ACYP2: variants seen among roughly 807,000 people sequenced by gnomAD.
The protein encoded by ACYP2 is acylphosphatase-2.
ACYP2 carries 12 observed loss-of-function variants against 11.2 expected under a neutral mutation model. The ratio of observed to expected loss-of-function variants is 1.08; its 90% CI spans 0.69 to 1.74. ACYP2 has a LOEUF of 1.74. Ranked by LOEUF, ACYP2 falls within the 40% of genes most tolerant of loss-of-function variation. The pLI, the probability that ACYP2 is intolerant of heterozygous loss-of-function variation, is 0.00. For missense variants in ACYP2, 134 were observed against 101.9 expected (o/e 1.31, Z -1.35); for synonymous variants, 43 against 32.2 (o/e 1.33, Z -1.13).
At chr2:54,191,634 T>C (rs2103887920) in intron 6 of ACYP2, among the ~76,000 whole-genome samples, 1 of 152,178 alleles carries the variant, frequency 6.6e-6, no homozygotes, top group African/African-American at 2.4e-5. Context: ...TGAGAAGCAG[T>C]TGGAATAGTC....
At chr2:53,992,155 CCTTCCTTCCTACTTTTTTT>C (rs1672332390) in intron 2 of ACYP2, among the ~76,000 whole-genome samples, 2 of 146,894 alleles carry the variant, frequency 1.4e-5, no homozygotes, top group Admixed American at 1.4e-4. Flanking sequence ...TTCTTTCTTT[CCTTCCTTCCTACTTTTTTT>C]CTTCCTTCCT....
Position 54,189,931 on chromosome 2 carries a change from G to A in ACYP2, c.404+51183G>A, listed in dbSNP as rs114950264. ...TGAGATGGTATCTCACAGCAGCTTT[G>A]ACTTGTGTTTCCCCAATGATTAGTG... On this transcript the variant is annotated intron_variant, in intron 6 of 6. Coordinates refer to ENST00000607452, the MANE Select transcript of ACYP2 (RefSeq NM_001320586.2). 3.9e-3 allele frequency among the ~76,000 whole-genome samples: 596 copies of A among 152,214 alleles called. 1 individual carries two copies. The highest frequency in any genetic ancestry group is 6.9e-3 in the Non-Finnish European group (471 of 68,008).
Position 54,106,533 on chromosome 2 carries a change from G to A in ACYP2, c.278-28920G>A, listed in dbSNP as rs574984362. On this transcript the variant is annotated intron_variant, in intron 4 of 6. Coordinates refer to ENST00000607452, the MANE Select transcript of ACYP2 (RefSeq NM_001320586.2). ...GCTAATTTTAAAGGATATAGTAGAT[G>A]CATATGCTGTCAACATAATGTCTCA... Among the ~76,000 whole-genome samples, 11 of 151,960 alleles carry A rather than the reference G, an allele frequency of 7.2e-5. No homozygotes were observed. The South Asian group carries it at 2.3e-3, about 32-fold the overall frequency.
At chr2:53,988,772 G>C (rs995523929) in intron 2 of ACYP2, among the ~76,000 whole-genome samples, 1 of 151,234 alleles carries the variant, frequency 6.6e-6, no homozygotes, top group Non-Finnish European at 1.5e-5. Context: ...TTGAGACAGA[G>C]TCTCACTCTG....
chr2:54,253,540 C>T (rs1687336499), intron 6 of ACYP2: 1 of 152,212 alleles, frequency 6.6e-6, no homozygotes. Context: ...CTCTAGGGAA[C>T]ATATTTAACA....
intron 4 of ACYP2, among the ~76,000 whole-genome samples, chr2:54,066,282 C>G (rs149128394): frequency 2.1e-4 from 32 of 152,286 alleles, no homozygotes; most frequent in African/African-American, 7.5e-4. Context: ...CTCCTCTCCT[C>G]TCTCCTGCCA....
intron 6 of ACYP2, among the ~76,000 whole-genome samples, chr2:54,150,244 A>G (rs1405320173): frequency 6.6e-6 from 1 of 152,180 alleles, no homozygotes; most frequent in East Asian, 1.9e-4. Context: ...CAAAGACTGG[A>G]TGGCCTCAAA....
Position 53,973,855 on chromosome 2 carries a change from A to G in ACYP2, c.62+45A>G, listed in dbSNP as rs112529246. 619 of 124,422 alleles carry G rather than the reference A, an allele frequency of 5.0e-3. 13 individuals are homozygous for G. Among genetic ancestry groups the G allele is most frequent in the East Asian group, 0.019 (112 of 5,804 alleles). The allele number at this position is 124,422 out of a possible 1,614,324, so 7.7% of individuals were successfully genotyped here. The stretch of plus-strand genomic sequence containing the variant: ...GGATTTTTGAATGTGGGATATATAT[A>G]TGTGTGTGTGTGTGTGTGTGTGTGT... On this transcript the variant is annotated intron_variant, in intron 2 of 6. Coordinates refer to ENST00000607452, the MANE Select transcript of ACYP2 (RefSeq NM_001320586.2).
At chr2:54,268,057 C>T (rs1329838501) in intron 6 of ACYP2, among the ~76,000 whole-genome samples, 1 of 152,212 alleles carries the variant, frequency 6.6e-6, no homozygotes, top group African/African-American at 2.4e-5. Context: ...TTTGGTATCA[C>T]TACCTAAGAC....
chr2:54,300,531 G>C (rs758007034), intron 6 of ACYP2, among the ~76,000 whole-genome samples: 3 of 152,210 alleles, frequency 2.0e-5, no homozygotes, highest in Non-Finnish European at 4.4e-5. Context: ...GGTCTTCCCA[G>C]TTTCAGAGCT....
rs115491355 is a variant in ACYP2 at position 54,196,222 on chromosome 2, G to A, written c.404+57474G>A. 7.6e-3 allele frequency among the ~76,000 whole-genome samples: 1,153 copies of A among 151,966 alleles called. 12 individuals are homozygous for A. Among genetic ancestry groups the A allele is most frequent in the African/African-American group, 0.027 (1,110 of 41,444 alleles). On this transcript the variant is annotated intron_variant, in intron 6 of 6. Coordinates refer to ENST00000607452, the MANE Select transcript of ACYP2 (RefSeq NM_001320586.2). ...TAACATATTTTATTTTTTCAGACAG[G>A]GCCTCACTCTGTCAGCCAGGCTCAA... is the stretch of plus-strand genomic sequence containing the variant.
chr2:54,133,135 C>A (rs1681014291), intron 4 of ACYP2, among the ~76,000 whole-genome samples: 1 of 152,184 alleles, frequency 6.6e-6, no homozygotes, highest in African/African-American at 2.4e-5. Context: ...CTTCACCCCC[C>A]ATTGTAGCAC....
intron 6 of ACYP2, chr2:54,143,135 T>A (rs1470027769): frequency 6.6e-6 from 1 of 152,362 alleles, no homozygotes; most frequent in Admixed American, 6.5e-5. Flanking sequence ...TTTGTTTCAG[T>A]GACTTCATTT....
chr2:54,107,020 A>G (rs1383432744), intron 4 of ACYP2, among the ~76,000 whole-genome samples: 1 of 152,202 alleles, frequency 6.6e-6, no homozygotes, highest in African/African-American at 2.4e-5. Flanking sequence ...GCATGCACCT[A>G]AAAGTATTTT....
At chr2:54,134,464 T>C (rs1681107397) in intron 4 of ACYP2, among the ~76,000 whole-genome samples, 1 of 152,348 alleles carries the variant, frequency 6.6e-6, no homozygotes, top group East Asian at 1.9e-4. Context: ...CCTTACATTT[T>C]AAGAAGATAT....
Position 54,195,140 on chromosome 2 carries a change from G to A in ACYP2, c.404+56392G>A, listed in dbSNP as rs560443927. ...AACTTCATGTGCATCTGCCTACAGG[G>A]TGTTTCTCTTCTGTTGGCCTCATTA... On this transcript the variant is annotated intron_variant, in intron 6 of 6. Transcript: ENST00000607452. 6.6e-5 allele frequency among the ~76,000 whole-genome samples: 10 copies of A among 152,282 alleles called. No homozygotes were observed. In the South Asian group the frequency reaches 1.7e-3, roughly 25 times the overall value.
At chr2:54,033,051 G>T (rs1373759313) in intron 2 of ACYP2, among the ~76,000 whole-genome samples, 1 of 152,162 alleles carries the variant, frequency 6.6e-6, no homozygotes, top group Non-Finnish European at 1.5e-5. Context: ...AGTTTATGAG[G>T]ATTAAAGCCC....
chr2:54,095,574 A>C (rs1572739020), intron 4 of ACYP2, among the ~76,000 whole-genome samples: 3 of 130,224 alleles, frequency 2.3e-5, no homozygotes, highest in African/African-American at 9.0e-5. Flanking sequence ...TGACCCCACC[A>C]CCTCCCTCCC....
At chr2:54,085,853 A>T (rs1461074865) in intron 4 of ACYP2, among the ~76,000 whole-genome samples, 2 of 152,132 alleles carry the variant, frequency 1.3e-5, no homozygotes, top group Non-Finnish European at 2.9e-5. Flanking sequence ...AGTTTTTCAA[A>T]ATAAAATGTT....
Sources: gnomAD v4.1 joint callset for allele counts (sites outside exome capture counted in the v4.1 genomes callset) on GRCh38, gnomAD v4.1.1 for gene constraint, MANE v1.5 for transcripts, NCBI Gene and HGNC (gene_info 2026-07-23, HGNC 2026-07-21) for gene names.